The following P2RY8 variants were observed in gnomAD, a reference collection of about 807,000 sequenced individuals.
P2RY8 encodes the protein S-geranylgeranyl-glutathione receptor P2RY8.
P2RY8 carries 6 observed loss-of-function variants against 10.0 expected under a neutral mutation model. The ratio of observed to expected loss-of-function variants is 0.60; its 90% CI spans 0.33 to 1.19. The LOEUF is 1.19. P2RY8 is among the 50% of genes most tolerant of loss of function. The pLI is 0.04. For synonymous variants in P2RY8, 276 were observed against 252.5 expected, an observed-to-expected ratio of 1.09 and a Z score of -0.88; for missense variants, 456 against 542.0, an observed-to-expected ratio of 0.84 and a Z score of 1.58.
intron 1 of P2RY8, among the ~76,000 whole-genome samples, chrX:1,535,212 G>A (rs1255862670): frequency 1.8e-4 from 15 of 81,202 alleles, no homozygotes; most frequent in African/African-American, 7.9e-4. Context: ...TTTTGAGACA[G>A]AGTCTCACTC....
intron 1 of P2RY8, among the ~76,000 whole-genome samples, chrX:1,479,986 T>TA (rs1428984972): frequency 2.0e-5 from 3 of 152,186 alleles, no homozygotes; most frequent in Non-Finnish European, 4.4e-5. Flanking sequence ...ATTGAATCGA[T>TA]AATTTAATAA....
At chrX:1,503,451 G>A (rs753233025) in intron 1 of P2RY8, among the ~76,000 whole-genome samples, 63 of 152,256 alleles carry the variant, frequency 4.1e-4, no homozygotes, top group African/African-American at 1.5e-3. Flanking sequence ...GACATGCCAC[G>A]AGCTTTGTTA....
intron 1 of P2RY8, among the ~76,000 whole-genome samples, chrX:1,525,367 G>A (rs1380067210): frequency 2.6e-5 from 4 of 152,244 alleles, no homozygotes; most frequent in Admixed American, 6.5e-5. Flanking sequence ...ATGGGACTGG[G>A]GTCCTTCTAA....
At chrX:1,490,634 G>T (rs2092036837) in intron 1 of P2RY8, among the ~76,000 whole-genome samples, 1 of 117,098 alleles carries the variant, frequency 8.5e-6, no homozygotes, top group Non-Finnish European at 1.8e-5. Flanking sequence ...GACATCCAGG[G>T]ATTCTCCACA....
At chrX:1,528,030 G>C (rs2092450334) in intron 1 of P2RY8, among the ~76,000 whole-genome samples, 1 of 152,126 alleles carries the variant, frequency 6.6e-6, no homozygotes, top group African/African-American at 2.4e-5. Flanking sequence ...TCCCTGTCCT[G>C]AGTGCAGGAG....
intron 1 of P2RY8, among the ~76,000 whole-genome samples, chrX:1,496,485 G>C (rs1423988216): frequency 4.6e-5 from 7 of 151,934 alleles, no homozygotes; most frequent in Non-Finnish European, 1.0e-4. Context: ...CTCTCTCTCC[G>C]CTCAGTTCAC....
chrX:1,509,414 A>ATCTC (rs2092274844), intron 1 of P2RY8, among the ~76,000 whole-genome samples: 1 of 114,470 alleles, frequency 8.7e-6, no homozygotes. Context: ...CTATCTATCT[A>ATCTC]TTTCTATTAT....
chrX:1,499,593 C>T (rs1300080270), intron 1 of P2RY8, among the ~76,000 whole-genome samples: 10 of 151,730 alleles, frequency 6.6e-5, no homozygotes, highest in South Asian at 4.2e-4. Flanking sequence ...GTATTTACTG[C>T]GTATATTAAA....
intron 1 of P2RY8, among the ~76,000 whole-genome samples, chrX:1,524,804 C>CCCATCCAT (rs2092427616): frequency 6.3e-5 from 2 of 31,676 alleles, no homozygotes; most frequent in Non-Finnish European, 1.5e-4. Flanking sequence ...CATCCATCCA[C>CCCATCCAT]TCATCCATCC....
In P2RY8 at chrX:1,466,317, T is replaced by C; in HGVS notation, c.242A>G (p.Tyr81Cys). The change falls in exon 2 of 2, where the codon TAC becomes TGC. Residue 81 changes from tyrosine (Y) to cysteine (C), a missense_variant. Coordinates refer to ENST00000381297, the MANE Select transcript of P2RY8 (RefSeq NM_178129.5). ...CCAGTGGTGGCGGTTGCAATGGTAG[T>C]AGATTTGGAAAGGCAACACGCTGGC... ...MLASVLPFQIYYHCNRHHWVF... is the reference protein window; with the variant it reads ...MLASVLPFQICYHCNRHHWVF... The C allele has an allele frequency of 6.2e-7, 1 of 1,613,700 alleles. No homozygotes were observed. The highest frequency in any genetic ancestry group is 8.5e-7 in the Non-Finnish European group (1 of 1,179,818).
chrX:1,501,136 G>C (rs1257712012), intron 1 of P2RY8, among the ~76,000 whole-genome samples: 3 of 152,156 alleles, frequency 2.0e-5, no homozygotes, highest in African/African-American at 7.2e-5. Context: ...CACAGAGCTG[G>C]CCGGAGAGTC....
chrX:1,513,616 T>G (rs2092316648), intron 1 of P2RY8, among the ~76,000 whole-genome samples: 2 of 149,836 alleles, frequency 1.3e-5, no homozygotes, highest in African/African-American at 4.9e-5. Context: ...AATCTCAAGG[T>G]CCTTAACTTA....
chrX:1,509,291 A>G (rs1360617000), intron 1 of P2RY8, among the ~76,000 whole-genome samples: 2 of 148,812 alleles, frequency 1.3e-5, no homozygotes, highest in African/African-American at 2.5e-5. Flanking sequence ...TCATCTATGT[A>G]TCTATCCATC....
chrX:1,483,727 C>T (rs1255758744), intron 1 of P2RY8, among the ~76,000 whole-genome samples: 7 of 152,012 alleles, frequency 4.6e-5, no homozygotes, highest in Non-Finnish European at 1.5e-5. Flanking sequence ...TTCCTTAAAA[C>T]CCAAAGAGGG....
rs1479536142 is a variant in P2RY8, at chrX:1,464,163, G to C, written c.*1316C>G. 4.3e-6 allele frequency: 1 copy of C among 233,292 alleles called. No individual in the cohort carries two copies. Among genetic ancestry groups the C allele is most frequent in the Admixed American group, 5.6e-5 (1 of 17,784 alleles). 14.5% of individuals were successfully genotyped at this position (233,292 alleles called of 1,614,324 possible). A position where few individuals can be genotyped will look rare whatever the true frequency, so the allele number is the denominator to read the frequency against. ...CGCAGAGCCCGTGGGCAGACAGGCA[G>C]CTCTCCCACTCCCACCTCCAGAATG... On this transcript the variant is annotated 3_prime_UTR_variant, in exon 2 of 2. Coordinates refer to ENST00000381297, the MANE Select transcript of P2RY8 (RefSeq NM_178129.5).
Position 1,466,053 on chromosome X carries a change from G to A in P2RY8, c.506C>T (p.Ala169Val). 6.2e-7 allele frequency: 1 copy of A among 1,611,804 alleles called. No individual in the cohort carries two copies. Among genetic ancestry groups the A allele is most frequent in the Non-Finnish European group, 8.5e-7 (1 of 1,179,760 alleles). The change falls in exon 2 of 2, where the codon GCC becomes GTC. Residue 169 changes from alanine to valine, a missense_variant. Ala to Val is a moderately conservative substitution (Grantham distance 64). Coordinates refer to ENST00000381297, the MANE Select transcript of P2RY8 (RefSeq NM_178129.5). ...GTCGAAGCAGGTGATGATGCCCAGG[G>A]CGTGCACCGGGTAGGTGAGATCGGT... ...ARTDLTYPVH[A>V]LGIITCFDVL...
chrX:1,507,673 T>A (rs781235136), intron 1 of P2RY8, among the ~76,000 whole-genome samples: 158 of 152,226 alleles, frequency 1.0e-3, no homozygotes, highest in African/African-American at 3.8e-3. Flanking sequence ...CGACGCGCGA[T>A]TTCCGCCCCC....
chrX:1,464,719 G>T lies in P2RY8; in HGVS notation c.*760C>A, dbSNP rs2091638184. 1 of 233,244 alleles carries T rather than the reference G, an allele frequency of 4.3e-6. No homozygotes were observed. The highest frequency in any genetic ancestry group is 8.5e-6 in the Non-Finnish European group (1 of 118,190). The allele number at this position is 233,244 out of a possible 1,614,324, so 14.4% of individuals were successfully genotyped here. ...TCAGGGACTCACAGAAGCAGAATAG[G>T]GGTGGGGTCCCACCAAGCCAGGCCA... On this transcript the variant is annotated 3_prime_UTR_variant, in exon 2 of 2. Transcript: ENST00000381297.
intron 1 of P2RY8, among the ~76,000 whole-genome samples, chrX:1,531,869 C>A (rs2092478086): frequency 1.3e-5 from 2 of 152,336 alleles, no homozygotes; most frequent in South Asian, 4.1e-4. Flanking sequence ...CATCACCTCA[C>A]TCCTGCAAGA....
Sources: allele counts gnomAD v4.1 joint callset (sites outside exome capture counted in the v4.1 genomes callset), GRCh38; gene constraint gnomAD v4.1.1; transcripts MANE v1.5; gene names NCBI Gene and HGNC (gene_info 2026-07-23, HGNC 2026-07-21).